The following GPR158 variants were observed in gnomAD, a reference collection of about 807,000 sequenced individuals.
GPR158 encodes the protein metabotropic glycine receptor.
In GPR158, 30 loss-of-function variants were observed where a neutral mutation model predicts 78.2. The observed-to-expected ratio is 0.38, with a 90% confidence interval of 0.29 to 0.52. The LOEUF (loss-of-function observed/expected upper bound fraction) is 0.52. Among genes scored for constraint, GPR158 ranks in the 20% least tolerant of loss-of-function variants. The pLI is 0.83. For synonymous variants in GPR158, 581 were observed against 591.1 expected, an observed-to-expected ratio of 0.98 and a Z score of 0.25; for missense variants, 1,463 against 1,523.5, an observed-to-expected ratio of 0.96 and a Z score of 0.66.
rs11014467 is a variant in GPR158, at chr10:25,248,786, T to A, written c.1008+27629T>A. On this transcript the variant is annotated intron_variant, in intron 2 of 10. Coordinates refer to ENST00000376351, the MANE Select transcript of GPR158 (RefSeq NM_020752.3). ...TTTGTTCTTTTGGCTTAGGATTGAC[T>A]TGGCGATGTGGGCTCTTTTTTGGTT... 8.3e-3 allele frequency among the ~76,000 whole-genome samples: 1,255 copies of A among 150,928 alleles called. 40 individuals carry two copies. In the East Asian group the frequency reaches 0.11, roughly 13 times the overall value.
chr10:25,567,235 C>T (rs898646577), intron 6 of GPR158, among the ~76,000 whole-genome samples: 6 of 152,096 alleles, frequency 3.9e-5, no homozygotes, highest in South Asian at 4.1e-4. Context: ...ATTCTGTCAT[C>T]GGCATAATAA....
At chr10:25,290,278 T>C (rs1364424292) in intron 2 of GPR158, among the ~76,000 whole-genome samples, 1 of 152,218 alleles carries the variant, frequency 6.6e-6, no homozygotes, top group Non-Finnish European at 1.5e-5. Context: ...TTTCACATGA[T>C]ATAAATTCCT....
intron 5 of GPR158, among the ~76,000 whole-genome samples, chr10:25,486,713 A>G (rs1460741566): frequency 6.6e-6 from 1 of 151,890 alleles, no homozygotes; most frequent in East Asian, 1.9e-4. Flanking sequence ...TCCTTGAACC[A>G]CTCTCTGCAA....
Position 25,376,356 on chromosome 10 carries a change from G to T in GPR158, c.1009-19555G>T, listed in dbSNP as rs550119732. On this transcript the variant is annotated intron_variant, in intron 2 of 10. Transcript: ENST00000376351. Reference sequence around the variant, plus strand: ...ATCTTAAAACATTTTAAATTATAGGGTTTTTTTGTTTGATACAGTTAATGA... The same window carrying T: ...ATCTTAAAACATTTTAAATTATAGGTTTTTTTTGTTTGATACAGTTAATGA... Among the ~76,000 whole-genome samples the T allele has an allele frequency of 2.0e-5, 3 of 151,388 alleles. No homozygotes were observed. In the South Asian group the frequency reaches 6.2e-4, roughly 31 times the overall value.
intron 5 of GPR158, among the ~76,000 whole-genome samples, chr10:25,547,413 G>T (rs16926077): frequency 0.022 from 3,289 of 152,226 alleles, 113 homozygotes; most frequent in African/African-American, 0.075. Context: ...CTTACTGGCT[G>T]TAACTATACG....
intron 2 of GPR158, among the ~76,000 whole-genome samples, chr10:25,337,413 C>T (rs890454891): frequency 6.6e-6 from 1 of 152,022 alleles, no homozygotes; most frequent in Non-Finnish European, 1.5e-5. Context: ...AACATGCACC[C>T]TTTTGTGTCT....
rs985987288 is a variant in GPR158 at position 25,516,313 on chromosome 10, T to A, written c.1405-34663T>A. ...AGGTTGCGAAAATTTTCTCCCATGT[T>A]GTAGGTTGCCTGTTCACTCTGATGG... On this transcript the variant is annotated intron_variant, in intron 5 of 10. Transcript: ENST00000376351. 5.4e-5 allele frequency among the ~76,000 whole-genome samples: 8 copies of A among 149,338 alleles called. No homozygotes were observed. In the East Asian group the frequency reaches 9.9e-4, roughly 19 times the overall value.
At chr10:25,234,333 T>C (rs546094722) in intron 2 of GPR158, among the ~76,000 whole-genome samples, 1 of 152,348 alleles carries the variant, frequency 6.6e-6, no homozygotes, top group Non-Finnish European at 1.5e-5. Context: ...GAATTGGTGA[T>C]GACACAAGCA....
In GPR158 at chr10:25,212,760, T is replaced by C. The variant is rs544566122; in HGVS notation, c.903-8292T>C. Among the ~76,000 whole-genome samples the C allele has an allele frequency of 1.2e-3, 186 of 149,682 alleles. 1 individual carries two copies. Among genetic ancestry groups the C allele is most frequent in the African/African-American group, 4.5e-3 (182 of 40,652 alleles). On this transcript the variant is annotated intron_variant, in intron 1 of 10. Transcript: ENST00000376351. Reference sequence around the variant, plus strand: ...GATTCTCTTGCCTCAGCCTCCCAAGTAGCTGGGAGTACAGGCGCCCGCCAC... The same window carrying C: ...GATTCTCTTGCCTCAGCCTCCCAAGCAGCTGGGAGTACAGGCGCCCGCCAC...
chr10:25,514,737 G>A (rs1258218181), intron 5 of GPR158, among the ~76,000 whole-genome samples: 2 of 152,078 alleles, frequency 1.3e-5, no homozygotes, highest in Non-Finnish European at 2.9e-5. Flanking sequence ...GCATTTGTTT[G>A]TCTGTAAAAC....
At chr10:25,367,626 T>C (rs1855743274) in intron 2 of GPR158, among the ~76,000 whole-genome samples, 1 of 149,396 alleles carries the variant, frequency 6.7e-6, no homozygotes, top group African/African-American at 2.5e-5. Context: ...CATTCATATT[T>C]TCTTTAATTT....
chr10:25,326,118 CTTCAGTGTGAGTTG>C (rs1855028256), intron 2 of GPR158, among the ~76,000 whole-genome samples: 1 of 152,134 alleles, frequency 6.6e-6, no homozygotes, highest in South Asian at 2.1e-4. Context: ...CCCTAACAGG[CTTCAGTGTGAGTTG>C]TTCCTGCCCA....
chr10:25,449,518 A>T (rs1234148733), intron 4 of GPR158, among the ~76,000 whole-genome samples: 1 of 152,226 alleles, frequency 6.6e-6, no homozygotes, highest in Non-Finnish European at 1.5e-5. Flanking sequence ...AGCACAAAAC[A>T]TGGGGAACAT....
intron 6 of GPR158, among the ~76,000 whole-genome samples, chr10:25,553,677 A>C (rs1836753545): frequency 6.6e-6 from 1 of 152,116 alleles, no homozygotes. Context: ...GTCCTAGTGA[A>C]TGGAGCTGCA....
chr10:25,370,093 T>C (rs1464711945), intron 2 of GPR158, among the ~76,000 whole-genome samples: 1 of 147,220 alleles, frequency 6.8e-6, no homozygotes, highest in Non-Finnish European at 1.5e-5. Flanking sequence ...GGTCTATCAA[T>C]TTTGTTGATC....
chr10:25,512,119 T>C (rs1221976701), intron 5 of GPR158, among the ~76,000 whole-genome samples: 3 of 152,170 alleles, frequency 2.0e-5, no homozygotes, highest in African/African-American at 7.2e-5. Flanking sequence ...GTAGATCACT[T>C]TTGGCAGGAT....
At chr10:25,397,012 C>T (rs1834369862) in intron 3 of GPR158, among the ~76,000 whole-genome samples, 1 of 152,142 alleles carries the variant, frequency 6.6e-6, no homozygotes, top group South Asian at 2.1e-4. Context: ...ATGGCTGATT[C>T]CTTTTTCAAG....
chr10:25,252,417 G>C (rs1853818326), intron 2 of GPR158, among the ~76,000 whole-genome samples: 1 of 152,132 alleles, frequency 6.6e-6, no homozygotes. Context: ...CAGTTTTTCT[G>C]TTCTGTTTTT....
At chr10:25,478,066 TGTAAAGGCATGGAAGCTGCCCA>T in intron 5 of GPR158, among the ~76,000 whole-genome samples, 1 of 152,202 alleles carries the variant, frequency 6.6e-6, no homozygotes, top group African/African-American at 2.4e-5. Context: ...GCTGTCATCA[TGTAAAGGCATGGAAGCTGCCCA>T]GTGTGCATAT....
Sources: allele counts gnomAD v4.1 joint callset (sites outside exome capture counted in the v4.1 genomes callset), GRCh38; gene constraint gnomAD v4.1.1; transcripts MANE v1.5; gene names NCBI Gene and HGNC (gene_info 2026-07-23, HGNC 2026-07-21).